The following BEST3 variants were observed in gnomAD, a reference collection of about 807,000 sequenced individuals.
The protein encoded by BEST3 is bestrophin-3.
In BEST3, 50 loss-of-function variants were observed where a neutral mutation model predicts 47.1. That is an observed-to-expected ratio of 1.06 (90% CI 0.85 to 1.34). The LOEUF is 1.34. Ranked by LOEUF, BEST3 falls within the 40% of genes most tolerant of loss-of-function variation. The pLI, the probability that BEST3 is intolerant of heterozygous loss-of-function variation, is 0.00. For missense variants in BEST3, 765 were observed against 817.0 expected, an observed-to-expected ratio of 0.94 and a Z score of 0.78; for synonymous variants, 282 against 298.8, an observed-to-expected ratio of 0.94 and a Z score of 0.58.
chr12:69,694,212 A>T (rs776576690), intron 3 of BEST3, 158 bp downstream of exon 3: 7 of 595,386 alleles, frequency 1.2e-5, no homozygotes, highest in African/African-American at 3.7e-5. Flanking sequence ...TCGCAAAAGC[A>T]GCCGTGAAGG....
Position 69,699,298 on chromosome 12 carries a change from G to A in BEST3, c.-109C>T. 6.1e-6 allele frequency: 6 copies of A among 985,340 alleles called. No homozygotes were observed. The highest frequency in any genetic ancestry group is 5.2e-4 in the Middle Eastern group (1 of 1,914). The allele number at this position is 985,340 out of a possible 1,614,324, so 61.0% of individuals were successfully genotyped here. A position where few individuals can be genotyped will look rare whatever the true frequency, so the allele number is the denominator to read the frequency against. On this transcript the variant is annotated 5_prime_UTR_variant, in exon 1 of 10. Transcript: ENST00000330891. The stretch of plus-strand genomic sequence containing the variant: ...GCCTTCAGGTCGGTGCTGCACGCCC[G>A]GTGTCACCCTTCGCTCGTGCACAGT...
chr12:69,653,582 G>A (rs2161438), downstream of BEST3: 96,650 of 937,582 alleles, frequency 0.1, 5,442 homozygotes, highest in East Asian at 0.23. Flanking sequence ...GCTGCTGCCT[G>A]GAACAGTGTA....
At chr12:69,673,944 T>C (rs1884740423) in intron 7 of BEST3, among the ~76,000 whole-genome samples, 1 of 152,206 alleles carries the variant, frequency 6.6e-6, no homozygotes, top group Non-Finnish European at 1.5e-5. Context: ...AATATTCTTA[T>C]CATGTTCCTG....
At chr12:69,676,553 A>G (rs1282146260) in intron 7 of BEST3, among the ~76,000 whole-genome samples, 1 of 152,244 alleles carries the variant, frequency 6.6e-6, no homozygotes, top group Non-Finnish European at 1.5e-5. Flanking sequence ...TCTGATTTAC[A>G]AGGCTTCTTG....
Position 69,654,458 on chromosome 12 carries a change from AG to A in BEST3, c.*448del. The A allele has an allele frequency of 1.0e-6, 1 of 987,550 alleles. No individual in the cohort carries two copies. Among genetic ancestry groups the A allele is most frequent in the Non-Finnish European group, 1.2e-6 (1 of 831,384 alleles). 61.2% of individuals were successfully genotyped at this position (987,550 alleles called of 1,614,324 possible). On this transcript the variant is annotated 3_prime_UTR_variant, in exon 10 of 10. Transcript: ENST00000330891. ...GGAAGGAGGGGATCTTTCAGGCATT[AG>A]GTGATCCATCTCCTTTCTTTATGGC...
rs371159662 is a variant in BEST3 at position 69,686,786 on chromosome 12, A to AAAAAAAAAAAAAAG, written c.481+6887_481+6888insCTTTTTTTTTTTTT. ...GATTCTGCCTCAAAAAAACAAAAAA[A>AAAAAAAAAAAAAAG]AAAGAAAGAAAAGAAAAAAAGAAAG... is the stretch of plus-strand genomic sequence containing the variant. On this transcript the variant is annotated intron_variant, in intron 4 of 9. Transcript: ENST00000330891. Among the ~76,000 whole-genome samples, 872 of 143,276 alleles carry AAAAAAAAAAAAAAG rather than the reference A, an allele frequency of 6.1e-3. 13 individuals carry two copies. Among genetic ancestry groups the AAAAAAAAAAAAAAG allele is most frequent in the South Asian group, 0.027 (123 of 4,582 alleles). 94.0% of individuals were successfully genotyped at this position (143,276 alleles called of 152,430 possible).
chr12:69,643,800 G>A (rs748187349), intron 9 of BEST3: 185 of 709,150 alleles, frequency 2.6e-4, no homozygotes, highest in Admixed American at 1.0e-4. Flanking sequence ...GGGGAGAAGG[G>A]GAGAAGGGAG....
intron 9 of BEST3, among the ~76,000 whole-genome samples, chr12:69,657,371 C>T (rs546131408): frequency 6.6e-6 from 1 of 152,284 alleles, no homozygotes; most frequent in East Asian, 1.9e-4. Context: ...GCTGGGATTA[C>T]AGGCATGAGC....
At chr12:69,678,584 C>T (rs1448167619) in intron 5 of BEST3, among the ~76,000 whole-genome samples, 155 bp downstream of exon 5, 6 of 152,200 alleles carry the variant, frequency 3.9e-5, no homozygotes, top group Admixed American at 1.3e-4. Flanking sequence ...CCACCTCTGT[C>T]CTGCATGTTG....
In BEST3 at chr12:69,693,808, C is replaced by T. The variant is rs1017263270; in HGVS notation, c.347G>A (p.Gly116Glu). 1.2e-6 allele frequency: 2 copies of T among 1,614,058 alleles called. No homozygotes were observed. Among genetic ancestry groups the T allele is most frequent in the African/African-American group, 2.7e-5 (2 of 74,928 alleles). Residue 116 changes from glycine to glutamate, a missense_variant, in exon 4 of 10, where the codon GGA becomes GAA. Transcript: ENST00000330891. ...LMFLISSSVH[G>E]SDEHGRLLRR... ...AAGCAGGCGCCCGTGCTCGTCGCTT[C>T]CGTGAACACTGCTAGAGATGAGGAA...
In BEST3 at chr12:69,655,284, C is replaced by T. The variant is rs1883393235; in HGVS notation, c.1630G>A (p.Gly544Ser). ...VQPSKTEQQQGPMGSILSPSE... is the reference protein window; with the variant it reads ...VQPSKTEQQQSPMGSILSPSE... ...GGAGACAGGATGGATCCCATGGGGC[C>T]CTGCTGCTGCTCAGTCTTGCTTGGC... Residue 544 changes from glycine (G) to serine (S), a missense_variant, in exon 10 of 10, where the codon GGC becomes AGC. Physicochemically the swap from Gly to Ser is moderately conservative, Grantham distance 56. Transcript: ENST00000330891. 1.9e-6 allele frequency: 3 copies of T among 1,614,004 alleles called. No homozygotes were observed. Among genetic ancestry groups the T allele is most frequent in the Middle Eastern group, 1.6e-4 (1 of 6,084 alleles).
chr12:69,689,748 C>G (rs555440427), intron 4 of BEST3, among the ~76,000 whole-genome samples: 1 of 152,162 alleles, frequency 6.6e-6, no homozygotes, highest in African/African-American at 2.4e-5. Context: ...AAGTTTAAGT[C>G]AGAACAATGC....
chr12:69,687,969 T>C (rs1211949922), intron 4 of BEST3, among the ~76,000 whole-genome samples: 1 of 152,222 alleles, frequency 6.6e-6, no homozygotes, highest in Non-Finnish European at 1.5e-5. Flanking sequence ...TGGCATATAT[T>C]GTACACACAA....
At chr12:69,687,861 A>G (rs1370801232) in intron 4 of BEST3, among the ~76,000 whole-genome samples, 1 of 152,208 alleles carries the variant, frequency 6.6e-6, no homozygotes, top group African/African-American at 2.4e-5. Context: ...ACAATGATTA[A>G]TTTAAGATAA....
chr12:69,651,085 AAAG>A, downstream of BEST3, among the ~76,000 whole-genome samples: 1 of 152,274 alleles, frequency 6.6e-6, no homozygotes, highest in Non-Finnish European at 1.5e-5. Flanking sequence ...GTCTCTAAAA[AAAG>A]AAGGAAAGCT....
intron 1 of BEST3, among the ~76,000 whole-genome samples, chr12:69,698,748 A>G (rs991800618): frequency 6.6e-6 from 1 of 152,220 alleles, no homozygotes; most frequent in Non-Finnish European, 1.5e-5. Flanking sequence ...AAAATTTTCT[A>G]TCTTTACTCA....
chr12:69,681,137 AACTT>A (rs1195030336), intron 4 of BEST3, among the ~76,000 whole-genome samples: 1 of 152,138 alleles, frequency 6.6e-6, no homozygotes, highest in Admixed American at 6.5e-5. Context: ...TCTGAATTAA[AACTT>A]ACTTCTAAAA....
At chr12:69,646,452 T>A (rs966604149) in intron 9 of BEST3, among the ~76,000 whole-genome samples, 1 of 152,200 alleles carries the variant, frequency 6.6e-6, no homozygotes, top group Non-Finnish European at 1.5e-5. Context: ...ACCTAATTTT[T>A]TTTTTTTGAT....
At chr12:69,672,246 C>T (rs746286301) in intron 8 of BEST3, among the ~76,000 whole-genome samples, 4 of 152,130 alleles carry the variant, frequency 2.6e-5, no homozygotes, top group African/African-American at 7.2e-5. Flanking sequence ...ACTTAACTGC[C>T]GAGTAAGGGC....
Sources: gnomAD v4.1 joint callset for allele counts (sites outside exome capture counted in the v4.1 genomes callset) on GRCh38, gnomAD v4.1.1 for gene constraint, MANE v1.5 for transcripts, NCBI Gene and HGNC (gene_info 2026-07-23, HGNC 2026-07-21) for gene names.